The following PLCB1 variants were observed in gnomAD, a reference collection of about 807,000 sequenced individuals.
The protein encoded by PLCB1 is phospholipase C beta 1, also known as 1-phosphatidylinositol 4,5-bisphosphate phosphodiesterase beta-1.
PLCB1 carries 46 observed loss-of-function variants against 161.8 expected under a neutral mutation model. That is an observed-to-expected ratio of 0.28 (90% CI 0.22 to 0.36). The LOEUF (loss-of-function observed/expected upper bound fraction) is 0.36, where lower values mean the gene tolerates loss of function less well. Among genes scored for constraint, PLCB1 ranks in the 10% least tolerant of loss-of-function variants. The pLI, the probability that PLCB1 is intolerant of heterozygous loss-of-function variation, is 1.00. For synonymous variants in PLCB1, 517 were observed against 503.7 expected (o/e 1.03, Z -0.35); for missense variants, 1,016 against 1,472.5 (o/e 0.69, Z 5.07).
intron 3 of PLCB1, among the ~76,000 whole-genome samples, chr20:8,398,171 C>T (rs1420186099): frequency 6.6e-6 from 1 of 152,054 alleles, no homozygotes; most frequent in Non-Finnish European, 1.5e-5. Context: ...CTTACCTATG[C>T]ATGAAACTAA....
chr20:8,634,031 G>T (rs1323536613), intron 4 of PLCB1, among the ~76,000 whole-genome samples: 1 of 152,168 alleles, frequency 6.6e-6, no homozygotes, highest in African/African-American at 2.4e-5. Flanking sequence ...TCTTGTAGTT[G>T]TACGTTTAGG....
chr20:8,789,331 ATGG>A (rs759681366), intron 29 of PLCB1, among the ~76,000 whole-genome samples, 184 bp from the exon 30 acceptor site: 1 of 152,228 alleles, frequency 6.6e-6, no homozygotes. Context: ...GTGAGCCATG[ATGG>A]TGCCACTGCA....
intron 2 of PLCB1, among the ~76,000 whole-genome samples, chr20:8,359,226 A>G (rs1470997915): frequency 6.6e-6 from 1 of 152,202 alleles, no homozygotes; most frequent in Non-Finnish European, 1.5e-5. Flanking sequence ...CCTAGAAAAA[A>G]TGTTATTCAC....
At chr20:8,821,560 T>A (rs1985419348) in intron 31 of PLCB1, among the ~76,000 whole-genome samples, 1 of 118,172 alleles carries the variant, frequency 8.5e-6, no homozygotes, top group Non-Finnish European at 1.7e-5. Flanking sequence ...TATATATATT[T>A]AAATGACACT....
At chr20:8,268,754 A>T (rs547661823) in intron 2 of PLCB1, among the ~76,000 whole-genome samples, 9 of 152,172 alleles carry the variant, frequency 5.9e-5, no homozygotes, top group South Asian at 2.1e-4. Context: ...TGTTGGCTGC[A>T]TAAATGTCTT....
intron 3 of PLCB1, among the ~76,000 whole-genome samples, chr20:8,381,403 T>TTTG (rs955743466): frequency 6.6e-6 from 1 of 152,180 alleles, no homozygotes. Context: ...TGAAGTTTTT[T>TTTG]TTGTTGTTGT....
chr20:8,145,044 GTAGTAGT>G (rs528395624), intron 1 of PLCB1, among the ~76,000 whole-genome samples: 1 of 152,278 alleles, frequency 6.6e-6, no homozygotes, highest in Admixed American at 6.5e-5. Context: ...GTTATGCTTT[GTAGTAGT>G]TTACTAAGAC....
chr20:8,707,095 A>G (rs1978726340), intron 11 of PLCB1, among the ~76,000 whole-genome samples: 1 of 152,198 alleles, frequency 6.6e-6, no homozygotes, highest in African/African-American at 2.4e-5. Context: ...CAACTATCGT[A>G]AAAGTTAAAC....
At chr20:8,466,491 A>G (rs1028736500) in intron 3 of PLCB1, among the ~76,000 whole-genome samples, 1 of 152,040 alleles carries the variant, frequency 6.6e-6, no homozygotes, top group Non-Finnish European at 1.5e-5. Flanking sequence ...AAAAAAAAAC[A>G]AAAGAGCTGT....
At chr20:8,617,732 C>G (rs1988073692) in intron 3 of PLCB1, among the ~76,000 whole-genome samples, 1 of 152,166 alleles carries the variant, frequency 6.6e-6, no homozygotes, top group Non-Finnish European at 1.5e-5. Context: ...ACTAGGAAAT[C>G]TTAGGTCGAA....
chr20:8,485,805 C>T (rs533411522), intron 3 of PLCB1, among the ~76,000 whole-genome samples: 1 of 152,326 alleles, frequency 6.6e-6, no homozygotes, highest in South Asian at 2.1e-4. Flanking sequence ...CATGCTTGGA[C>T]TTTACTCCTA....
At chr20:8,812,793 G>C (rs113569628) in intron 31 of PLCB1, among the ~76,000 whole-genome samples, 6 of 152,180 alleles carry the variant, frequency 3.9e-5, no homozygotes, top group Admixed American at 1.3e-4. Flanking sequence ...GCAAAAAAAC[G>C]TGTAAAACCA....
At chr20:8,789,661 A>T in intron 30 of PLCB1, 86 bp downstream of exon 30, 2 of 1,010,932 alleles carry the variant, frequency 2.0e-6, no homozygotes, top group Admixed American at 1.7e-5. Context: ...AGGAAATGTC[A>T]TGCCTTGCCA....
chr20:8,761,978 G>GGGGC (rs1555788727), intron 25 of PLCB1, among the ~76,000 whole-genome samples: 1 of 151,226 alleles, frequency 6.6e-6, no homozygotes, highest in Non-Finnish European at 1.5e-5. Flanking sequence ...GGAGGCCAAG[G>GGGGC]GGGGGGCGGA....
intron 3 of PLCB1, among the ~76,000 whole-genome samples, chr20:8,497,355 A>G (rs1983222699): frequency 6.6e-6 from 1 of 152,240 alleles, no homozygotes; most frequent in South Asian, 2.1e-4. Context: ...TTAAAATGAT[A>G]TATGAGGATT....
At chr20:8,849,623 C>T (rs1320847625) in intron 31 of PLCB1, among the ~76,000 whole-genome samples, 2 of 151,564 alleles carry the variant, frequency 1.3e-5, no homozygotes, top group Non-Finnish European at 2.9e-5. Context: ...TTGCGTTGAG[C>T]CGAGATCATG....
intron 31 of PLCB1, among the ~76,000 whole-genome samples, chr20:8,795,601 C>T (rs561840903): frequency 5.3e-5 from 8 of 152,248 alleles, no homozygotes; most frequent in African/African-American, 1.4e-4. Flanking sequence ...TCAAGATGGA[C>T]GCAGTAAACA....
intron 1 of PLCB1, among the ~76,000 whole-genome samples, chr20:8,144,348 A>G (rs919689177): frequency 2.0e-5 from 3 of 152,138 alleles, no homozygotes; most frequent in African/African-American, 7.2e-5. Flanking sequence ...GATTATCTGA[A>G]GGATCTTGCA....
chr20:8,331,087 G>T (rs1460287235), intron 2 of PLCB1, among the ~76,000 whole-genome samples: 3 of 152,208 alleles, frequency 2.0e-5, no homozygotes, highest in Non-Finnish European at 4.4e-5. Context: ...ACTGCACTGT[G>T]TAAAGGTATT....
Sources: gnomAD v4.1 joint callset for allele counts (sites outside exome capture counted in the v4.1 genomes callset) on GRCh38, gnomAD v4.1.1 for gene constraint, MANE v1.5 for transcripts, NCBI Gene and HGNC (gene_info 2026-07-23, HGNC 2026-07-21) for gene names.